LSAMP: variants seen among roughly 807,000 people sequenced by gnomAD.
LSAMP encodes limbic system associated membrane protein.
In LSAMP, 7 loss-of-function variants were observed where a neutral mutation model predicts 38.6. The ratio of observed to expected loss-of-function variants is 0.18; its 90% CI spans 0.10 to 0.34. The LOEUF (loss-of-function observed/expected upper bound fraction) is 0.34. Among genes scored for constraint, LSAMP ranks in the 10% least tolerant of loss-of-function variants. The probability of loss-of-function intolerance (pLI) is 1.00; values close to 1 mark genes in which losing one functional copy is unlikely to be tolerated. For missense variants in LSAMP, 313 were observed against 420.0 expected (o/e 0.75, Z 2.23); for synonymous variants, 154 against 166.8 (o/e 0.92, Z 0.59).
chr3:116,309,416 C>A (rs2047527115), intron 1 of LSAMP, among the ~76,000 whole-genome samples: 1 of 151,882 alleles, frequency 6.6e-6, no homozygotes, highest in African/African-American at 2.4e-5. Flanking sequence ...ACTTTTTAGC[C>A]CTTGAATTGT....
intron 1 of LSAMP, among the ~76,000 whole-genome samples, chr3:116,184,856 T>C (rs1710573799): frequency 6.6e-6 from 1 of 151,800 alleles, no homozygotes; most frequent in Non-Finnish European, 1.5e-5. Context: ...TTTTTCTCTT[T>C]CCAACAACAG....
At chr3:115,983,285 C>CAGGG (rs1008872930) in intron 3 of LSAMP, among the ~76,000 whole-genome samples, 1 of 152,028 alleles carries the variant, frequency 6.6e-6, no homozygotes, top group African/African-American at 2.4e-5. Flanking sequence ...GGAGACTGAG[C>CAGGG]AGGGAGGATT....
intron 3 of LSAMP, among the ~76,000 whole-genome samples, chr3:115,935,055 C>CA (rs1166396993): frequency 1.4e-5 from 2 of 144,900 alleles, no homozygotes; most frequent in Admixed American, 6.8e-5. Context: ...AAAACAAAAA[C>CA]AAAAAACAAA....
At chr3:115,957,760 C>T (rs150080714) in intron 3 of LSAMP, among the ~76,000 whole-genome samples, 2 of 152,108 alleles carry the variant, frequency 1.3e-5, no homozygotes, top group Admixed American at 6.6e-5. Context: ...CATTTTGTAC[C>T]TTTCTTGGAA....
At position 115,807,899 on chromosome 3, in the gene LSAMP, G is replaced by C. The variant is rs1243270059; in HGVS notation, c.*2418C>G. 6.6e-6 allele frequency: 1 copy of C among 152,058 alleles called. No individual in the cohort carries two copies. The highest frequency in any genetic ancestry group is 1.5e-5 in the Non-Finnish European group (1 of 68,006). The allele number at this position is 152,058 out of a possible 1,614,324, so 9.4% of individuals were successfully genotyped here. On this transcript the variant is annotated 3_prime_UTR_variant, in exon 7 of 7. Coordinates refer to ENST00000490035, the MANE Select transcript of LSAMP (RefSeq NM_002338.5). ...AGAATTTGTTTTCTCTCCTATGTCA[G>C]AATCTGCTATAAACACTCTTAACCA...
intron 1 of LSAMP, among the ~76,000 whole-genome samples, chr3:116,296,819 C>T (rs1389711997): frequency 6.6e-6 from 1 of 151,846 alleles, no homozygotes; most frequent in African/African-American, 2.4e-5. Flanking sequence ...AACCCTTACG[C>T]CATGGAGGAC....
At chr3:116,326,070 T>C (rs914273302) in intron 1 of LSAMP, among the ~76,000 whole-genome samples, 3 of 152,170 alleles carry the variant, frequency 2.0e-5, no homozygotes, top group Non-Finnish European at 4.4e-5. Flanking sequence ...TTTCTCAGTA[T>C]AATCTTTTTT....
chr3:115,905,530 T>C (rs182190483), intron 3 of LSAMP, among the ~76,000 whole-genome samples: 1 of 152,242 alleles, frequency 6.6e-6, no homozygotes, highest in East Asian at 1.9e-4. Flanking sequence ...CCAAAATAGA[T>C]ACCCCAGAGT....
chr3:115,963,086 T>C (rs1938682420), intron 3 of LSAMP, among the ~76,000 whole-genome samples: 1 of 152,236 alleles, frequency 6.6e-6, no homozygotes, highest in Non-Finnish European at 1.5e-5. Context: ...AATTTTCTTC[T>C]TCTGATTTTC....
At chr3:116,336,596 C>T (rs953371274) in intron 1 of LSAMP, among the ~76,000 whole-genome samples, 1 of 151,764 alleles carries the variant, frequency 6.6e-6, no homozygotes, top group Non-Finnish European at 1.5e-5. Flanking sequence ...TTCTTCATAG[C>T]TACTCTCAAA....
intron 1 of LSAMP, among the ~76,000 whole-genome samples, chr3:116,255,524 G>A (rs1424921218): frequency 6.6e-6 from 1 of 152,160 alleles, no homozygotes; most frequent in Non-Finnish European, 1.5e-5. Context: ...CATAAAAATT[G>A]CACATGGTCT....
chr3:115,980,883 C>G (rs1939338863), intron 3 of LSAMP, among the ~76,000 whole-genome samples: 1 of 152,112 alleles, frequency 6.6e-6, no homozygotes, highest in African/African-American at 2.4e-5. Context: ...GGTCATTTTC[C>G]TTTCTTTGAA....
chr3:115,829,833 C>A (rs1445303220), intron 6 of LSAMP, among the ~76,000 whole-genome samples: 1 of 152,072 alleles, frequency 6.6e-6, no homozygotes, highest in South Asian at 2.1e-4. Flanking sequence ...TCTTTAGAAT[C>A]CATAATACAT....
intron 1 of LSAMP, among the ~76,000 whole-genome samples, chr3:116,338,675 GAGA>G (rs1379016116): frequency 5.9e-5 from 9 of 152,048 alleles, no homozygotes; most frequent in Non-Finnish European, 1.3e-4. Flanking sequence ...TGTGTAAGGG[GAGA>G]AGGAGTTAAT....
At chr3:116,209,158 A>G (rs1388242270) in intron 1 of LSAMP, among the ~76,000 whole-genome samples, 1 of 151,948 alleles carries the variant, frequency 6.6e-6, no homozygotes, top group African/African-American at 2.4e-5. Flanking sequence ...GAGTGACCCG[A>G]TTTTCCAGGT....
intron 1 of LSAMP, among the ~76,000 whole-genome samples, chr3:116,407,967 TAA>T (rs1450988010): frequency 1.3e-5 from 2 of 152,154 alleles, no homozygotes; most frequent in East Asian, 3.9e-4. Context: ...CCATGATGAA[TAA>T]GAAGGTACAT....
Position 116,445,189 on chromosome 3 carries a change from G to A in LSAMP, c.-158C>T, listed in dbSNP as rs1235918785. 3 of 661,712 alleles carry A rather than the reference G, an allele frequency of 4.5e-6. No individual in the cohort carries two copies. Among genetic ancestry groups the A allele is most frequent in the Non-Finnish European group, 7.7e-6 (3 of 391,294 alleles). The allele number at this position is 661,712 out of a possible 1,614,324, so 41.0% of individuals were successfully genotyped here. On this transcript the variant is annotated 5_prime_UTR_variant, in exon 1 of 7. Coordinates refer to ENST00000490035, the MANE Select transcript of LSAMP (RefSeq NM_002338.5). Reference sequence around the variant, plus strand: ...TCCACTTTGCCTCTCTCTTTCCCTCGCTCAGTCTCTTTTCCCTCTAAGACT... The same window carrying A: ...TCCACTTTGCCTCTCTCTTTCCCTCACTCAGTCTCTTTTCCCTCTAAGACT...
At chr3:116,057,139 G>T (rs1165904562) in intron 2 of LSAMP, among the ~76,000 whole-genome samples, 2 of 152,188 alleles carry the variant, frequency 1.3e-5, no homozygotes, top group East Asian at 3.9e-4. Context: ...TCCTATTTGT[G>T]GTTGTTGTGG....
chr3:115,990,890 C>A (rs983145323), intron 3 of LSAMP, among the ~76,000 whole-genome samples: 18 of 151,706 alleles, frequency 1.2e-4, no homozygotes, highest in Non-Finnish European at 2.1e-4. Flanking sequence ...CTTGGATGGC[C>A]CCAGGAAACT....
Sources: gnomAD v4.1 joint callset for allele counts (sites outside exome capture counted in the v4.1 genomes callset) on GRCh38, gnomAD v4.1.1 for gene constraint, MANE v1.5 for transcripts, NCBI Gene and HGNC (gene_info 2026-07-23, HGNC 2026-07-21) for gene names.